The following CPXM2 variants were observed in gnomAD, a reference collection of about 807,000 sequenced individuals.
CPXM2 encodes the protein carboxypeptidase X, M14 family member 2.
In CPXM2, 66 loss-of-function variants were observed where a neutral mutation model predicts 86.1. The observed-to-expected ratio is 0.77, with a 90% CI of 0.63 to 0.94. The LOEUF (loss-of-function observed/expected upper bound fraction) is 0.94. CPXM2 is among the 40% of genes least tolerant of loss of function. The pLI, the probability that CPXM2 is intolerant of heterozygous loss-of-function variation, is 0.00. For synonymous variants in CPXM2, 388 were observed against 400.2 expected (o/e 0.97, Z 0.36); for missense variants, 948 against 1,026.3 (o/e 0.92, Z 1.04).
chr10:123,813,423 T>C (rs939213920), intron 4 of CPXM2, among the ~76,000 whole-genome samples: 2 of 152,248 alleles, frequency 1.3e-5, no homozygotes, highest in African/African-American at 4.8e-5. Flanking sequence ...GTCTTCATCA[T>C]GCTTCTCTTT....
chr10:123,873,851 C>T (rs1369270062), intron 2 of CPXM2, among the ~76,000 whole-genome samples: 2 of 143,166 alleles, frequency 1.4e-5, no homozygotes, highest in African/African-American at 5.3e-5. Flanking sequence ...TTATTTCTCA[C>T]ATTTCTTTTT....
intron 11 of CPXM2, among the ~76,000 whole-genome samples, chr10:123,760,674 G>A (rs1914539): frequency 0.87 from 131,991 of 152,128 alleles, 57,375 homozygotes; most frequent in Admixed American, 0.88. Flanking sequence ...GGAGTCCGCA[G>A]GGGATGGGAA....
chr10:123,760,091 A>G (rs997913747), intron 11 of CPXM2, among the ~76,000 whole-genome samples: 1 of 152,240 alleles, frequency 6.6e-6, no homozygotes, highest in Non-Finnish European at 1.5e-5. Context: ...AAGCTACCGC[A>G]TGGCTCTGCC....
At chr10:123,823,545 T>G (rs886268292) in intron 4 of CPXM2, among the ~76,000 whole-genome samples, 1 of 152,166 alleles carries the variant, frequency 6.6e-6, no homozygotes, top group Non-Finnish European at 1.5e-5. Flanking sequence ...ACCTGGCTTG[T>G]AAACAACAAT....
At chr10:123,824,075 C>T (rs1236873121) in intron 4 of CPXM2, among the ~76,000 whole-genome samples, 1 of 152,152 alleles carries the variant, frequency 6.6e-6, no homozygotes, top group Non-Finnish European at 1.5e-5. Context: ...CCAATTTATA[C>T]CTCTGTTACA....
chr10:123,859,898 C>T (rs1590074998), intron 3 of CPXM2, among the ~76,000 whole-genome samples: 1 of 152,278 alleles, frequency 6.6e-6, no homozygotes, highest in Admixed American at 6.5e-5. Context: ...CTGCTCCCTG[C>T]TGGACGCCCC....
intron 2 of CPXM2, 43 bp downstream of exon 2, chr10:123,880,168 G>T: frequency 3.9e-6 from 1 of 253,530 alleles, no homozygotes. Context: ...TCCCTGAACA[G>T]GGCCTAGGAC....
chr10:123,784,832 G>A (rs983469132), intron 6 of CPXM2, among the ~76,000 whole-genome samples: 15 of 152,282 alleles, frequency 9.9e-5, no homozygotes, highest in East Asian at 1.9e-4. Flanking sequence ...TCCCGTTCAC[G>A]TACGATTGAG....
intron 4 of CPXM2, among the ~76,000 whole-genome samples, chr10:123,833,198 G>T (rs1266071003): frequency 2.6e-5 from 4 of 152,170 alleles, no homozygotes; most frequent in Non-Finnish European, 5.9e-5. Context: ...GTTTTCTTAT[G>T]CATACAATGA....
At chr10:123,814,931 G>C (rs1037630404) in intron 4 of CPXM2, among the ~76,000 whole-genome samples, 1 of 152,124 alleles carries the variant, frequency 6.6e-6, no homozygotes, top group Non-Finnish European at 1.5e-5. Flanking sequence ...AGGTTGAGCT[G>C]GGAGGATCAC....
At chr10:123,770,277 AAAACAAAC>A (rs541321180) in intron 8 of CPXM2, among the ~76,000 whole-genome samples, 1 of 152,200 alleles carries the variant, frequency 6.6e-6, no homozygotes, top group African/African-American at 2.4e-5. Context: ...TCCATCTCAA[AAAACAAAC>A]AAACAAACAA....
chr10:123,822,799 G>C (rs1279608122), intron 4 of CPXM2, among the ~76,000 whole-genome samples: 1 of 152,006 alleles, frequency 6.6e-6, no homozygotes, highest in Non-Finnish European at 1.5e-5. Context: ...ATAACTCAAA[G>C]CTTTAGAAGC....
intron 3 of CPXM2, among the ~76,000 whole-genome samples, chr10:123,861,772 T>A (rs1339843933): frequency 6.6e-6 from 1 of 152,264 alleles, no homozygotes; most frequent in Non-Finnish European, 1.5e-5. Context: ...AGAAAGAGCA[T>A]CGCCCTGCAT....
At chr10:123,863,365 G>A (rs1848898843) in intron 2 of CPXM2, among the ~76,000 whole-genome samples, 1 of 152,230 alleles carries the variant, frequency 6.6e-6, no homozygotes, top group Non-Finnish European at 1.5e-5. Context: ...TGCACACAGT[G>A]AGTGTGAAAG....
At chr10:123,937,492 C>T (rs1027310583) in intron 2 of CPXM2, among the ~76,000 whole-genome samples, 26 of 120,778 alleles carry the variant, frequency 2.2e-4, no homozygotes, top group African/African-American at 9.2e-4. Flanking sequence ...CACACACACA[C>T]ACACACACAC....
chr10:123,867,257 T>C (rs370391077), intron 2 of CPXM2, among the ~76,000 whole-genome samples: 2 of 152,180 alleles, frequency 1.3e-5, no homozygotes, highest in African/African-American at 4.8e-5. Context: ...CCCAAGCCCA[T>C]CTTAAAGACA....
At chr10:123,890,417 C>T (rs1419784439) in intron 1 of CPXM2, among the ~76,000 whole-genome samples, 1 of 152,218 alleles carries the variant, frequency 6.6e-6, no homozygotes. Context: ...TGCTGACTTT[C>T]GTGAGCAGTT....
At chr10:123,757,945 A>AAGGG (rs1352563746) in intron 11 of CPXM2, among the ~76,000 whole-genome samples, 3 of 152,170 alleles carry the variant, frequency 2.0e-5, no homozygotes, top group Non-Finnish European at 4.4e-5. Flanking sequence ...TGAGGTTGAG[A>AAGGG]AGGGGAAGAA....
At chr10:123,832,269 T>C (rs1350870033) in intron 4 of CPXM2, among the ~76,000 whole-genome samples, 1 of 152,012 alleles carries the variant, frequency 6.6e-6, no homozygotes. Context: ...GGGGGAGCCA[T>C]GCAATGGCCC....
Sources: gnomAD v4.1 joint callset for allele counts (sites outside exome capture counted in the v4.1 genomes callset) on GRCh38, gnomAD v4.1.1 for gene constraint, MANE v1.5 for transcripts, NCBI Gene and HGNC (gene_info 2026-07-23, HGNC 2026-07-21) for gene names.